The following PLPPR1 variants were observed in gnomAD, a reference collection of about 807,000 sequenced individuals.
PLPPR1 encodes phospholipid phosphatase related 1.
A neutral mutation model predicts 33.1 loss-of-function variants in PLPPR1; 10 were observed. That is an observed-to-expected ratio of 0.30 (90% confidence interval 0.19 to 0.51). PLPPR1 has a LOEUF of 0.51. Among genes scored for constraint, PLPPR1 ranks in the 20% least tolerant of loss-of-function variants. The probability of loss-of-function intolerance (pLI) is 0.97; values close to 1 mark genes in which losing one functional copy is unlikely to be tolerated. For synonymous variants in PLPPR1, 151 were observed against 151.0 expected, an observed-to-expected ratio of 1.00 and a Z score of 0.00; for missense variants, 304 against 408.1, an observed-to-expected ratio of 0.74 and a Z score of 2.20.
chr9:101,067,233 C>A (rs199527542), intron 1 of PLPPR1, among the ~76,000 whole-genome samples: 7 of 148,512 alleles, frequency 4.7e-5, no homozygotes, highest in Non-Finnish European at 4.5e-5. Context: ...TACAAGTCAC[C>A]AAAAAAAAAA....
At chr9:101,111,740 T>G (rs1257118658) in intron 1 of PLPPR1, among the ~76,000 whole-genome samples, 2 of 152,208 alleles carry the variant, frequency 1.3e-5, no homozygotes, top group Admixed American at 6.5e-5. Context: ...CTGCATATTA[T>G]TATTTTCTGA....
At chr9:101,139,662 AT>A (rs1831423964) in intron 1 of PLPPR1, among the ~76,000 whole-genome samples, 1 of 152,168 alleles carries the variant, frequency 6.6e-6, no homozygotes, top group Non-Finnish European at 1.5e-5. Flanking sequence ...TGTTGCCATT[AT>A]ATTGCCATTT....
At chr9:101,189,083 G>A (rs1170549639) in intron 2 of PLPPR1, among the ~76,000 whole-genome samples, 3 of 152,150 alleles carry the variant, frequency 2.0e-5, no homozygotes, top group East Asian at 1.9e-4. Context: ...GAGTGACCAC[G>A]CCCTGTGACA....
intron 1 of PLPPR1, among the ~76,000 whole-genome samples, chr9:101,074,251 C>T (rs1002358572): frequency 6.6e-6 from 1 of 152,064 alleles, no homozygotes; most frequent in Non-Finnish European, 1.5e-5. Context: ...TTAGCTATCA[C>T]AAAATCAAGT....
intron 4 of PLPPR1, among the ~76,000 whole-genome samples, chr9:101,293,476 C>A (rs1009972212): frequency 5.9e-5 from 9 of 152,048 alleles, no homozygotes; most frequent in African/African-American, 1.9e-4. Flanking sequence ...ACAGAACTCT[C>A]CACCCCAAAT....
intron 1 of PLPPR1, among the ~76,000 whole-genome samples, chr9:101,071,845 G>A (rs796402341): frequency 1.3e-5 from 2 of 152,174 alleles, no homozygotes; most frequent in African/African-American, 2.4e-5. Flanking sequence ...CCAGGGTAGG[G>A]TGTGTAATGA....
At chr9:101,148,281 C>T (rs551043215) in intron 1 of PLPPR1, among the ~76,000 whole-genome samples, 1 of 152,146 alleles carries the variant, frequency 6.6e-6, no homozygotes, top group Non-Finnish European at 1.5e-5. Context: ...AACTTAAGTG[C>T]CACTGGTTAT....
intron 2 of PLPPR1, among the ~76,000 whole-genome samples, chr9:101,218,225 G>C (rs1826845502): frequency 6.6e-6 from 1 of 152,104 alleles, no homozygotes; most frequent in Admixed American, 6.5e-5. Context: ...GGGAATATGA[G>C]ATAGCATCTT....
At chr9:101,032,516 G>T (rs949651656) in intron 1 of PLPPR1, among the ~76,000 whole-genome samples, 1 of 152,194 alleles carries the variant, frequency 6.6e-6, no homozygotes, top group African/African-American at 2.4e-5. Flanking sequence ...GCATTCACTT[G>T]TGTAGCTGCC....
rs188504583 is a variant in PLPPR1, at chr9:101,185,724, G to A, written c.63+167G>A. Among the ~76,000 whole-genome samples, 10 of 151,750 alleles carry A rather than the reference G, an allele frequency of 6.6e-5. No individual in the cohort carries two copies. The East Asian group carries it at 1.9e-3, about 29-fold the overall frequency. The stretch of plus-strand genomic sequence containing the variant: ...ACTATGCAAAGTGTTTCTTAAATAG[G>A]AAGTCATAGAGTAAGAATTTTTTAA... On this transcript the variant is annotated intron_variant, in intron 2 of 7. Coordinates refer to ENST00000374874, the MANE Select transcript of PLPPR1 (RefSeq NM_207299.2).
chr9:101,046,206 T>G (rs1418745202), intron 1 of PLPPR1, among the ~76,000 whole-genome samples: 1 of 152,106 alleles, frequency 6.6e-6, no homozygotes, highest in Non-Finnish European at 1.5e-5. Flanking sequence ...CCCAGTTTTC[T>G]GCCCTTTTTT....
chr9:101,066,244 T>C (rs948674367), intron 1 of PLPPR1, among the ~76,000 whole-genome samples: 2 of 152,048 alleles, frequency 1.3e-5, no homozygotes, highest in Non-Finnish European at 2.9e-5. Flanking sequence ...GGGATGAAAA[T>C]AGTCTGTTCT....
intron 1 of PLPPR1, among the ~76,000 whole-genome samples, chr9:101,110,899 T>C (rs76116705): frequency 0.015 from 2,265 of 152,272 alleles, 42 homozygotes; most frequent in African/African-American, 0.046. Flanking sequence ...CTTATGGGAA[T>C]AACTAGGTAT....
chr9:101,165,329 C>T (rs1301616682), intron 1 of PLPPR1, among the ~76,000 whole-genome samples: 1 of 152,098 alleles, frequency 6.6e-6, no homozygotes, highest in Non-Finnish European at 1.5e-5. Flanking sequence ...TGTTGCATGG[C>T]TTATTGGTAG....
chr9:101,040,669 T>C (rs1290462838), intron 1 of PLPPR1, among the ~76,000 whole-genome samples: 1 of 152,322 alleles, frequency 6.6e-6, no homozygotes, highest in African/African-American at 2.4e-5. Flanking sequence ...CCCTCATAAC[T>C]GTCTAAAACA....
At position 101,256,688 on chromosome 9, in the gene PLPPR1, A is replaced by G. The variant is rs78989316; in HGVS notation, c.64-13192A>G. Among the ~76,000 whole-genome samples, 40 of 152,280 alleles carry G rather than the reference A, an allele frequency of 2.6e-4. No individual in the cohort carries two copies. In the East Asian group the frequency reaches 7.0e-3, roughly 26 times the overall value. On this transcript the variant is annotated intron_variant, in intron 2 of 7. Coordinates refer to ENST00000374874, the MANE Select transcript of PLPPR1 (RefSeq NM_207299.2). The stretch of plus-strand genomic sequence containing the variant: ...TATGCATAATAGTGAATAGTGTAGC[A>G]AAGAACCTGATGTGGGGGTCCCTAT...
intron 4 of PLPPR1, among the ~76,000 whole-genome samples, chr9:101,287,676 T>C (rs891675670): frequency 2.6e-5 from 4 of 152,078 alleles, no homozygotes; most frequent in Non-Finnish European, 4.4e-5. Flanking sequence ...AATTTTTGCA[T>C]TTTTAGTAGA....
At chr9:101,173,458 C>T (rs918215155) in intron 1 of PLPPR1, among the ~76,000 whole-genome samples, 10 of 152,244 alleles carry the variant, frequency 6.6e-5, no homozygotes, top group Non-Finnish European at 7.4e-5. Flanking sequence ...TAGTACCTAA[C>T]GGATAAAACA....
chr9:101,296,476 G>A (rs1178847759), intron 4 of PLPPR1, among the ~76,000 whole-genome samples: 1 of 151,838 alleles, frequency 6.6e-6, no homozygotes, highest in East Asian at 1.9e-4. Context: ...TATAAATCAT[G>A]CTGCTATAAA....
Sources: gnomAD v4.1 joint callset for allele counts (sites outside exome capture counted in the v4.1 genomes callset) on GRCh38, gnomAD v4.1.1 for gene constraint, MANE v1.5 for transcripts, NCBI Gene and HGNC (gene_info 2026-07-23, HGNC 2026-07-21) for gene names.